TBC1D21: variants seen among roughly 807,000 people sequenced by gnomAD.
TBC1D21 encodes TBC1 domain family member 21.
In TBC1D21, 38 loss-of-function variants were observed where a neutral mutation model predicts 46.0. That is an observed-to-expected ratio of 0.83 (90% CI 0.64 to 1.08). The LOEUF (loss-of-function observed/expected upper bound fraction) is 1.08, where lower values mean the gene tolerates loss of function less well. Among genes scored for constraint, TBC1D21 ranks in the 50% least tolerant of loss-of-function variants. The probability of loss-of-function intolerance (pLI) is 0.00; values close to 1 mark genes in which losing one functional copy is unlikely to be tolerated. For synonymous variants in TBC1D21, 151 were observed against 157.2 expected (o/e 0.96, Z 0.29); for missense variants, 415 against 417.9 (o/e 0.99, Z 0.06).
At chr15:73,874,070 T>C (rs2068016230) in intron 1 of TBC1D21, among the ~76,000 whole-genome samples, 1 of 152,222 alleles carries the variant, frequency 6.6e-6, no homozygotes, top group African/African-American at 2.4e-5. Flanking sequence ...CGGTGCTTTT[T>C]GCCAACAATT....
intron 6 of TBC1D21, among the ~76,000 whole-genome samples, 169 bp from the exon 7 acceptor site, chr15:73,885,909 A>T (rs182162304): frequency 9.2e-5 from 14 of 152,164 alleles, no homozygotes. Context: ...AGTCACATAG[A>T]TATGTATGCA....
intron 3 of TBC1D21, among the ~76,000 whole-genome samples, chr15:73,883,444 C>T (rs2068188683): frequency 6.6e-6 from 1 of 152,228 alleles, no homozygotes; most frequent in Non-Finnish European, 1.5e-5. Context: ...TTCCTTACCT[C>T]CCAGCTTGTG....
At chr15:73,890,318 A>G (rs547763801), downstream of TBC1D21, among the ~76,000 whole-genome samples, 281 of 152,258 alleles carry the variant, frequency 1.8e-3, 1 homozygote, top group African/African-American at 6.0e-3. Flanking sequence ...TAGCTGCTGT[A>G]TCTTTGCTGG....
At chr15:73,898,880 A>AAAAAAAAAAAAATATATATATATAT in the TBC1D21 span, among the ~76,000 whole-genome samples, 5 of 56,770 alleles carry the variant, frequency 8.8e-5, no homozygotes, top group South Asian at 6.1e-4. Flanking sequence ...AAAAAAAAAA[A>AAAAAAAAAAAAATATATATATATAT]ATATATATAT....
the TBC1D21 span, among the ~76,000 whole-genome samples, chr15:73,904,738 G>A: frequency 6.6e-6 from 1 of 152,232 alleles, no homozygotes; most frequent in Admixed American, 6.5e-5. Flanking sequence ...GGGACTGGGG[G>A]ACAAAGGCCA....
intron 7 of TBC1D21, 86 bp downstream of exon 7, chr15:73,886,260 G>A (rs191109987): frequency 3.2e-6 from 4 of 1,238,060 alleles, no homozygotes; most frequent in Non-Finnish European, 4.7e-6. Context: ...CCTAATCATG[G>A]GGGGGCTGGA....
At chr15:73,884,662 A>G (rs2068210201) in intron 4 of TBC1D21, 119 bp from the exon 5 acceptor site, 1 of 691,316 alleles carries the variant, frequency 1.4e-6, no homozygotes, top group African/African-American at 1.8e-5. Context: ...TACCTTTCAC[A>G]GCTCCCTCTC....
the TBC1D21 span, among the ~76,000 whole-genome samples, chr15:73,895,108 T>C: frequency 3.9e-5 from 6 of 152,200 alleles, no homozygotes; most frequent in African/African-American, 1.4e-4. Flanking sequence ...CCAGCATATC[T>C]AGGGGTGGGG....
At chr15:73,907,507 A>G in the TBC1D21 span, among the ~76,000 whole-genome samples, 5 of 152,128 alleles carry the variant, frequency 3.3e-5, no homozygotes, top group African/African-American at 1.2e-4. Flanking sequence ...TTGAGCTCTT[A>G]CTTAGATTCT....
the TBC1D21 span, among the ~76,000 whole-genome samples, chr15:73,896,033 C>T: frequency 0.066 from 10,023 of 151,960 alleles, 360 homozygotes; most frequent in African/African-American, 0.098. Context: ...GTTGAGAAGA[C>T]GGCAGAGGTG....
At chr15:73,884,700 T>C (rs2068211111) in intron 4 of TBC1D21, 81 bp from the exon 5 acceptor site, 7 of 977,606 alleles carry the variant, frequency 7.2e-6, no homozygotes, top group African/African-American at 3.2e-5. Context: ...GGCCTGCCCA[T>C]TGGGGTAGGG....
chr15:73,885,173 G>A, intron 6 of TBC1D21, 70 bp downstream of exon 6: 1 of 1,423,816 alleles, frequency 7.0e-7, no homozygotes, highest in Middle Eastern at 1.8e-4. Flanking sequence ...AACTCTTTGA[G>A]GATGGGCAGG....
chr15:73,875,951 C>G (rs927135639), intron 1 of TBC1D21, among the ~76,000 whole-genome samples: 1 of 152,204 alleles, frequency 6.6e-6, no homozygotes, highest in Non-Finnish European at 1.5e-5. Context: ...CCCAGATACA[C>G]ATTCTCTGAT....
At position 73,873,599 on chromosome 15, in the gene TBC1D21, C is replaced by T; in HGVS notation, c.-111C>T. ...CCGGCTCTGTTCAAGTGTGGGAGGT[C>T]AGGAGCAGCCAGTTCCTCCTGGGAA... is the stretch of plus-strand genomic sequence containing the variant. On this transcript the variant is annotated 5_prime_UTR_variant, in exon 1 of 11. Coordinates refer to ENST00000300504, the MANE Select transcript of TBC1D21 (RefSeq NM_153356.3). 8.3e-7 allele frequency: 1 copy of T among 1,201,624 alleles called. No homozygotes were observed. Among genetic ancestry groups the T allele is most frequent in the African/African-American group, 1.5e-5 (1 of 66,304 alleles). 74.4% of individuals were successfully genotyped at this position (1,201,624 alleles called of 1,614,324 possible). A position where few individuals can be genotyped will look rare whatever the true frequency, so the allele number is the denominator to read the frequency against.
At chr15:73,881,295 T>G in intron 1 of TBC1D21, 104 bp from the exon 2 acceptor site, 1 of 767,224 alleles carries the variant, frequency 1.3e-6, no homozygotes, top group Non-Finnish European at 2.1e-6. Flanking sequence ...AGTCAGGCTG[T>G]GCGCTTTGAT....
chr15:73,875,927 T>A (rs968660794), intron 1 of TBC1D21, among the ~76,000 whole-genome samples: 6 of 152,178 alleles, frequency 3.9e-5, no homozygotes, highest in African/African-American at 1.4e-4. Context: ...ACAATCTCCG[T>A]CACATTAAAG....
chr15:73,895,886 T>C, the TBC1D21 span, among the ~76,000 whole-genome samples: 1 of 152,176 alleles, frequency 6.6e-6, no homozygotes. Flanking sequence ...GATATTCTTC[T>C]CTGCCCGGGC....
intron 7 of TBC1D21, 32 bp downstream of exon 7, chr15:73,886,206 C>G (rs758673857): frequency 1.5e-5 from 24 of 1,590,394 alleles, no homozygotes; most frequent in Non-Finnish European, 1.9e-5. Flanking sequence ...CCACCTCACG[C>G]ACCCCCCAGG....
At chr15:73,888,017 A>G (rs1473813190) in intron 9 of TBC1D21, among the ~76,000 whole-genome samples, 2 of 152,186 alleles carry the variant, frequency 1.3e-5, no homozygotes. Flanking sequence ...ACACTCCCTA[A>G]CTATTAAGCT....
Sources: gnomAD v4.1 joint callset for allele counts (sites outside exome capture counted in the v4.1 genomes callset) on GRCh38, gnomAD v4.1.1 for gene constraint, MANE v1.5 for transcripts, NCBI Gene and HGNC (gene_info 2026-07-23, HGNC 2026-07-21) for gene names.